PSD3: variants seen among roughly 807,000 people sequenced by gnomAD.
The protein encoded by PSD3 is pleckstrin and Sec7 domain containing 3, also known as PH and SEC7 domain-containing protein 3.
Under a neutral mutation model 105.5 loss-of-function variants are expected in PSD3, and 49 were observed. The observed-to-expected ratio is 0.46, with a 90% CI of 0.37 to 0.59. The LOEUF (loss-of-function observed/expected upper bound fraction) is 0.59. PSD3 is among the 20% of genes least tolerant of loss of function. The pLI is 0.00. For missense variants in PSD3, 1,561 were observed against 1,263.8 expected, an observed-to-expected ratio of 1.24 and a Z score of -3.57; for synonymous variants, 557 against 457.8, an observed-to-expected ratio of 1.22 and a Z score of -2.77.
chr8:18,675,312 T>C (rs1800007575), intron 9 of PSD3, among the ~76,000 whole-genome samples: 1 of 152,140 alleles, frequency 6.6e-6, no homozygotes, highest in East Asian at 1.9e-4. Flanking sequence ...GATTTCTGAG[T>C]AGTAGAGCTG....
rs947513474 is a variant in PSD3, at chr8:18,666,591, G to A, written c.2173-10906C>T. Among the ~76,000 whole-genome samples the A allele has an allele frequency of 3.3e-5, 5 of 152,142 alleles. No homozygotes were observed. The South Asian group carries it at 6.2e-4, about 19-fold the overall frequency. The stretch of plus-strand genomic sequence containing the variant: ...CTAAGAGTTACAACTCAAATATCTC[G>A]TAACAGATAAGTCAGGAAGGCCAGG... On this transcript the variant is annotated intron_variant, in intron 9 of 15. Coordinates refer to ENST00000327040, the MANE Select transcript of PSD3 (RefSeq NM_015310.4).
At chr8:18,593,427 T>C (rs565571907) in intron 12 of PSD3, among the ~76,000 whole-genome samples, 48 of 152,244 alleles carry the variant, frequency 3.2e-4, no homozygotes, top group African/African-American at 1.1e-3. Context: ...CAATGAGATA[T>C]CATCTCACAC....
rs55929631 is a variant in PSD3 at position 18,856,496 on chromosome 8, T to G, written c.1634+11178A>C. ...GTATAACACTATTAATACTACGTGC[T>G]GAATCCTCAAATAGTTGCTAAGTGA... On this transcript the variant is annotated intron_variant, in intron 4 of 15. Coordinates refer to ENST00000327040, the MANE Select transcript of PSD3 (RefSeq NM_015310.4). Among the ~76,000 whole-genome samples, 1,291 of 152,330 alleles carry G rather than the reference T, an allele frequency of 8.5e-3. 21 individuals carry two copies. Among genetic ancestry groups the G allele is most frequent in the African/African-American group, 0.029 (1,187 of 41,566 alleles).
chr8:18,951,365 G>A (rs1053342627), intron 1 of PSD3, among the ~76,000 whole-genome samples: 4 of 152,126 alleles, frequency 2.6e-5, no homozygotes, highest in South Asian at 2.1e-4. Flanking sequence ...TCACACCACC[G>A]CACTTCAGCC....
chr8:18,736,063 A>C (rs771044451), intron 9 of PSD3, among the ~76,000 whole-genome samples: 25 of 152,192 alleles, frequency 1.6e-4, no homozygotes, highest in Admixed American at 6.5e-4. Flanking sequence ...AACTTTCTTA[A>C]AACAACGTAG....
chr8:18,846,930 T>C (rs1186606799), intron 4 of PSD3, among the ~76,000 whole-genome samples: 1 of 152,064 alleles, frequency 6.6e-6, no homozygotes, highest in East Asian at 1.9e-4. Context: ...ACAGAGCTCA[T>C]GTGAAGTACC....
Position 18,804,946 on chromosome 8 carries a change from CA to C in PSD3, c.1635-49del. The C allele has an allele frequency of 1.4e-6, 2 of 1,416,526 alleles. 1 individual carries two copies. The highest frequency in any genetic ancestry group is 4.0e-4 in the Middle Eastern group (2 of 4,946). 87.7% of individuals were successfully genotyped at this position (1,416,526 alleles called of 1,614,324 possible). On this transcript the variant is annotated intron_variant, in intron 4 of 15. Transcript: ENST00000327040. ...AAAATAATAGATTTTTCTTATATGG[CA>C]AAAAGGAAAATATCTGATGAAATAT...
At chr8:18,724,777 GGAAAAATAAAT>G (rs567314603) in intron 9 of PSD3, among the ~76,000 whole-genome samples, 41 of 152,104 alleles carry the variant, frequency 2.7e-4, no homozygotes, top group South Asian at 1.0e-3. Context: ...ATTAATAAAT[GGAAAAATAAAT>G]GAAGGCATGA....
Position 18,527,807 on chromosome 8 carries a change from T to G in PSD3, c.*7936A>C, listed in dbSNP as rs1223813262. The stretch of plus-strand genomic sequence containing the variant: ...ATGAGGAACAGGTTTCCAGTACGTG[T>G]TATAGTACCGCCAGCTTACCCAAAA... On this transcript the variant is annotated 3_prime_UTR_variant, in exon 16 of 16. Coordinates refer to ENST00000327040, the MANE Select transcript of PSD3 (RefSeq NM_015310.4). 6.6e-6 allele frequency: 1 copy of G among 152,454 alleles called. No homozygotes were observed. The highest frequency in any genetic ancestry group is 1.5e-5 in the Non-Finnish European group (1 of 68,028). 9.4% of individuals were successfully genotyped at this position (152,454 alleles called of 1,614,324 possible).
At chr8:19,070,538 C>A (rs923102877) in intron 1 of PSD3, among the ~76,000 whole-genome samples, 2 of 152,042 alleles carry the variant, frequency 1.3e-5, no homozygotes, top group Non-Finnish European at 2.9e-5. Flanking sequence ...ATTAGCCAGG[C>A]TTGGTGGCAC....
At chr8:18,853,511 C>T (rs893890767) in intron 4 of PSD3, among the ~76,000 whole-genome samples, 9 of 151,998 alleles carry the variant, frequency 5.9e-5, no homozygotes, top group Non-Finnish European at 1.0e-4. Flanking sequence ...AGAAAGAAAC[C>T]GTGAGGCTGA....
chr8:18,811,318 G>T lies in PSD3; in HGVS notation c.1635-6420C>A, dbSNP rs17127243. Among the ~76,000 whole-genome samples the T allele has an allele frequency of 3.8e-3, 581 of 152,210 alleles. 36 individuals are homozygous for T. In the East Asian group the frequency reaches 0.1, roughly 27 times the overall value. On this transcript the variant is annotated intron_variant, in intron 4 of 15. Coordinates refer to ENST00000327040, the MANE Select transcript of PSD3 (RefSeq NM_015310.4). ...CTTTACTACTATCCATTTTGCTCCT[G>T]CCAGTCATCTTCTGGTATGTCTGTC...
At chr8:19,071,779 G>A (rs990429559) in intron 1 of PSD3, among the ~76,000 whole-genome samples, 2 of 152,096 alleles carry the variant, frequency 1.3e-5, no homozygotes, top group African/African-American at 4.8e-5. Flanking sequence ...GGAGTGCAAT[G>A]GCTCACTGCA....
At chr8:18,925,654 G>C (rs1231253507) in intron 2 of PSD3, among the ~76,000 whole-genome samples, 2 of 152,002 alleles carry the variant, frequency 1.3e-5, no homozygotes, top group East Asian at 3.9e-4. Context: ...ATGTGTGATG[G>C]GTTTATTCAA....
chr8:18,659,676 T>A lies in PSD3; in HGVS notation c.2173-3991A>T, dbSNP rs144168460. Among the ~76,000 whole-genome samples, 40 of 152,326 alleles carry A rather than the reference T, an allele frequency of 2.6e-4. No individual in the cohort carries two copies. In the East Asian group the frequency reaches 7.5e-3, roughly 29 times the overall value. On this transcript the variant is annotated intron_variant, in intron 9 of 15. Transcript: ENST00000327040. ...AAATAATCTGGTAATGTTCTATTCT[T>A]AAAAGATGAGCTTTAAAGAGCCACC...
rs191230242 is a variant in PSD3 at position 18,591,253 on chromosome 8, T to C, written c.2481+9111A>G. On this transcript the variant is annotated intron_variant, in intron 12 of 15. Transcript: ENST00000327040. ...GAAGAGAATGCCCTGGCCCCTGACATCTCTGATGGGGGAAAGGAAAGAGGT... is the reference window on the plus strand; with the variant it reads ...GAAGAGAATGCCCTGGCCCCTGACACCTCTGATGGGGGAAAGGAAAGAGGT... 4.1e-3 allele frequency among the ~76,000 whole-genome samples: 622 copies of C among 152,184 alleles called. 4 individuals are homozygous for C. Among genetic ancestry groups the C allele is most frequent in the African/African-American group, 0.014 (579 of 41,526 alleles).
In PSD3 at chr8:18,867,917, A is replaced by G; in HGVS notation, c.1391T>C (p.Leu464Ser). 1 of 1,614,200 alleles carries G rather than the reference A, an allele frequency of 6.2e-7. No individual in the cohort carries two copies. The highest frequency in any genetic ancestry group is 8.5e-7 in the Non-Finnish European group (1 of 1,180,030). ...LYYSAESLET[L>S]YSEPDSYFSF... ...AAAATAGCTATCAGGCTCTGAGTAT[A>G]ATGTCTCCAGGGACTCTGCACTGTA... The change falls in exon 4 of 16, where the codon TTA (leucine) becomes TCA (serine). Residue 464 changes from leucine (L) to serine (S), a missense_variant. Physicochemically the swap from Leu to Ser is moderately radical, Grantham distance 145 (BLOSUM62 -2). Coordinates refer to ENST00000327040, the MANE Select transcript of PSD3 (RefSeq NM_015310.4).
intron 9 of PSD3, among the ~76,000 whole-genome samples, chr8:18,757,406 G>A (rs1429238642): frequency 1.3e-5 from 2 of 152,198 alleles, no homozygotes; most frequent in Non-Finnish European, 2.9e-5. Flanking sequence ...GGAGGTTGCA[G>A]TGAGCAGAGA....
intron 8 of PSD3, chr8:18,799,091 G>A (rs2248631): frequency 0.95 from 494,813 of 523,458 alleles, 235,069 homozygotes; most frequent in Non-Finnish European, 0.98. Flanking sequence ...CCAGACACCA[G>A]GACGATGGAT....
Sources: allele counts gnomAD v4.1 joint callset (sites outside exome capture counted in the v4.1 genomes callset), GRCh38; gene constraint gnomAD v4.1.1; transcripts MANE v1.5; gene names NCBI Gene and HGNC (gene_info 2026-07-23, HGNC 2026-07-21).